Variants in LRRN1 observed in about 807,000 individuals in gnomAD.
The protein encoded by LRRN1 is leucine rich repeat neuronal 1, also known as leucine-rich repeat neuronal protein 1.
In LRRN1, 14 loss-of-function variants were observed where a neutral mutation model predicts 45.8. That is an observed-to-expected ratio of 0.31 (90% CI 0.20 to 0.48). The LOEUF is 0.48. LRRN1 is among the 20% of genes least tolerant of loss of function. LRRN1 has a pLI of 0.99. For missense variants in LRRN1, 789 were observed against 874.2 expected, an observed-to-expected ratio of 0.90 and a Z score of 1.23; for synonymous variants, 359 against 330.1, an observed-to-expected ratio of 1.09 and a Z score of -0.95.
intron 1 of LRRN1, among the ~76,000 whole-genome samples, chr3:3,807,377 C>T (rs538388652): frequency 6.6e-6 from 1 of 152,082 alleles, no homozygotes; most frequent in Non-Finnish European, 1.5e-5. Context: ...TTTGTTTTTT[C>T]TTTGATAGGA....
chr3:3,837,594 C>T (rs1328954356), intron 1 of LRRN1, among the ~76,000 whole-genome samples: 2 of 152,100 alleles, frequency 1.3e-5, no homozygotes, highest in Non-Finnish European at 2.9e-5. Flanking sequence ...TGATATAATG[C>T]CAGGAAGGCT....
chr3:3,823,405 A>AG (rs1553562361), intron 1 of LRRN1, among the ~76,000 whole-genome samples: 5 of 152,130 alleles, frequency 3.3e-5, no homozygotes, highest in African/African-American at 1.2e-4. Context: ...TTAAAAAAAA[A>AG]AAGAAGAAGA....
intron 1 of LRRN1, among the ~76,000 whole-genome samples, chr3:3,839,085 T>C (rs1451113214): frequency 6.6e-6 from 1 of 152,168 alleles, no homozygotes. Context: ...CATTGCCAAA[T>C]ACCCTGAAGC....
chr3:3,822,429 A>G (rs946569996), intron 1 of LRRN1, among the ~76,000 whole-genome samples: 2 of 152,310 alleles, frequency 1.3e-5, no homozygotes, highest in African/African-American at 4.8e-5. Context: ...GTAGCTTACT[A>G]TTTACATCCT....
chr3:3,835,350 G>A (rs918439023), intron 1 of LRRN1, among the ~76,000 whole-genome samples: 4 of 152,152 alleles, frequency 2.6e-5, no homozygotes, highest in African/African-American at 9.7e-5. Context: ...ACACTGCAGT[G>A]ACAGTGAAAA....
intron 1 of LRRN1, chr3:3,803,994 G>C (rs972433338): frequency 6.6e-6 from 1 of 152,048 alleles, no homozygotes; most frequent in Non-Finnish European, 1.5e-5. Context: ...AGACTTTATG[G>C]GCACCCTGTA....
At chr3:3,834,526 A>ACATATATATATATATATATAT (rs1693448237) in intron 1 of LRRN1, among the ~76,000 whole-genome samples, 1 of 19,702 alleles carries the variant, frequency 5.1e-5, no homozygotes, top group Non-Finnish European at 9.1e-5. Context: ...ACAGAACAGG[A>ACATATATATATATATATATAT]TATATATATA....
Position 3,813,170 on chromosome 3 carries a change from G to A in LRRN1, c.-279+13251G>A, listed in dbSNP as rs144934865. ...ACTTAGCCACATCTGGCTGCTGTTCGCATGAACAGAGGTGACTGCTGGTGA... is the reference window on the plus strand; with the variant it reads ...ACTTAGCCACATCTGGCTGCTGTTCACATGAACAGAGGTGACTGCTGGTGA... On this transcript the variant is annotated intron_variant, in intron 1 of 1. Transcript: ENST00000319331. Among the ~76,000 whole-genome samples the A allele has an allele frequency of 1.8e-4, 27 of 152,272 alleles. No homozygotes were observed. The East Asian group carries it at 5.2e-3, about 29-fold the overall frequency.
intron 1 of LRRN1, among the ~76,000 whole-genome samples, chr3:3,839,900 G>A (rs752333273): frequency 3.9e-5 from 6 of 151,948 alleles, no homozygotes; most frequent in African/African-American, 1.4e-4. Context: ...AGGATTTTCT[G>A]TATATATGAG....
chr3:3,828,132 T>TTATA (rs3043963), intron 1 of LRRN1, among the ~76,000 whole-genome samples: 121 of 145,316 alleles, frequency 8.3e-4, no homozygotes, highest in African/African-American at 2.6e-3. Context: ...AGGGACAGAA[T>TTATA]TATATATATA....
At position 3,844,421 on chromosome 3, in the gene LRRN1, G is replaced by A. The variant is rs1693710320; in HGVS notation, c.-221G>A. On this transcript the variant is annotated 5_prime_UTR_variant, in exon 2 of 2. The change abolishes an upstream ATG in the 5' untranslated region. Coordinates refer to ENST00000319331, the MANE Select transcript of LRRN1 (RefSeq NM_020873.7). ...ATTCATGCCACGGACCTGTGCACAT[G>A]CCTGGAATTGAGAGACACAGTTAAA... 2 of 515,720 alleles carry A rather than the reference G, an allele frequency of 3.9e-6. No homozygotes were observed. Among genetic ancestry groups the A allele is most frequent in the Admixed American group, 3.6e-5 (1 of 27,688 alleles). 31.9% of individuals were successfully genotyped at this position (515,720 alleles called of 1,614,324 possible).
intron 1 of LRRN1, among the ~76,000 whole-genome samples, chr3:3,829,929 C>A (rs770583590): frequency 6.6e-6 from 1 of 152,142 alleles, no homozygotes. Context: ...CTGATCATCC[C>A]GAGGAATGGT....
At chr3:3,837,707 T>TC (rs530254178) in intron 1 of LRRN1, among the ~76,000 whole-genome samples, 150 of 151,676 alleles carry the variant, frequency 9.9e-4, no homozygotes, top group African/African-American at 3.5e-3. Context: ...CATTTTTTTT[T>TC]CTTTTTTTTT....
rs149906823 is a variant in LRRN1, at chr3:3,827,204, A to G, written c.-278-17160A>G. 2.0e-3 allele frequency: 446 copies of G among 223,646 alleles called. 1 individual carries two copies. The highest frequency in any genetic ancestry group is 3.5e-3 in the Non-Finnish European group (378 of 108,408). The allele number at this position is 223,646 out of a possible 1,614,324, so 13.9% of individuals were successfully genotyped here. ...AGGTTTTATAATCTCCATTTTCTTA[A>G]AGAGGAAACTGAGACTTAGAAAGTT... On this transcript the variant is annotated intron_variant, in intron 1 of 1. Transcript: ENST00000319331.
At chr3:3,808,894 A>G (rs569320559) in intron 1 of LRRN1, among the ~76,000 whole-genome samples, 30 of 152,200 alleles carry the variant, frequency 2.0e-4, no homozygotes, top group Non-Finnish European at 3.8e-4. Flanking sequence ...TATTAACAGA[A>G]CATATTTATA....
intron 1 of LRRN1, among the ~76,000 whole-genome samples, chr3:3,815,561 A>T (rs1397776380): frequency 6.6e-6 from 1 of 152,160 alleles, no homozygotes; most frequent in Non-Finnish European, 1.5e-5. Flanking sequence ...AGACTTGAAA[A>T]CGCTGAAGTG....
At chr3:3,804,313 G>A (rs1692713180) in intron 1 of LRRN1, 1 of 152,152 alleles carries the variant, frequency 6.6e-6, no homozygotes, top group African/African-American at 2.4e-5. Flanking sequence ...GCCATAATCA[G>A]TGAGATTACT....
intron 1 of LRRN1, among the ~76,000 whole-genome samples, chr3:3,837,532 CT>C (rs1693549183): frequency 6.6e-6 from 1 of 152,088 alleles, no homozygotes; most frequent in Admixed American, 6.6e-5. Context: ...ATGAAACACA[CT>C]CTCTAAATAG....
intron 1 of LRRN1, among the ~76,000 whole-genome samples, chr3:3,802,353 T>C (rs1443692395): frequency 2.6e-5 from 4 of 152,188 alleles, no homozygotes; most frequent in Admixed American, 6.5e-5. Flanking sequence ...CCTCTTCTTT[T>C]GTCAACCTCA....
Sources: gnomAD v4.1 joint callset for allele counts (sites outside exome capture counted in the v4.1 genomes callset) on GRCh38, gnomAD v4.1.1 for gene constraint, MANE v1.5 for transcripts, NCBI Gene and HGNC (gene_info 2026-07-23, HGNC 2026-07-21) for gene names.